The following GBE1 variants were observed in gnomAD, a reference collection of about 807,000 sequenced individuals.
The protein encoded by GBE1 is 1,4-alpha-glucan-branching enzyme.
In GBE1, 70 loss-of-function variants were observed where a neutral mutation model predicts 88.8. That is an observed-to-expected ratio of 0.79 (90% CI 0.65 to 0.96). The LOEUF (loss-of-function observed/expected upper bound fraction) is 0.96, where lower values mean the gene tolerates loss of function less well. Ranked by LOEUF, GBE1 falls within the 40% of genes least tolerant of loss-of-function variation. The probability of loss-of-function intolerance (pLI) is 0.00; values close to 1 mark genes in which losing one functional copy is unlikely to be tolerated. For missense variants in GBE1, 872 were observed against 871.0 expected, an observed-to-expected ratio of 1.00 and a Z score of -0.01; for synonymous variants, 284 against 300.1, an observed-to-expected ratio of 0.95 and a Z score of 0.56.
intron 9 of GBE1, among the ~76,000 whole-genome samples, chr3:81,587,502 A>G (rs1703817818): frequency 6.6e-6 from 1 of 152,136 alleles, no homozygotes; most frequent in African/African-American, 2.4e-5. Context: ...CTGCCCTTCA[A>G]TGGATTTCAA....
chr3:81,565,594 C>A (rs938403834), intron 12 of GBE1, among the ~76,000 whole-genome samples: 16 of 152,044 alleles, frequency 1.1e-4, no homozygotes, highest in African/African-American at 3.6e-4. Flanking sequence ...GAATGTCCTA[C>A]AAAATTATCA....
intron 14 of GBE1, among the ~76,000 whole-genome samples, chr3:81,525,979 C>T (rs946298931): frequency 2.0e-5 from 3 of 152,004 alleles, no homozygotes; most frequent in African/African-American, 7.2e-5. Flanking sequence ...TTTCAAAAAA[C>T]CAGCTCATGG....
At chr3:81,644,500 T>G (rs1704738297) in intron 6 of GBE1, among the ~76,000 whole-genome samples, 1 of 152,144 alleles carries the variant, frequency 6.6e-6, no homozygotes, top group Non-Finnish European at 1.5e-5. Flanking sequence ...CTAACTGGAA[T>G]GGTCAAGAAA....
chr3:81,701,192 G>GGT (rs1705681239), intron 2 of GBE1, among the ~76,000 whole-genome samples: 1 of 152,058 alleles, frequency 6.6e-6, no homozygotes, highest in African/African-American at 2.4e-5. Context: ...CTTTTTCAGT[G>GGT]GTAAGAGTCC....
chr3:81,647,093 A>C (rs1704776571), intron 5 of GBE1, among the ~76,000 whole-genome samples: 1 of 151,958 alleles, frequency 6.6e-6, no homozygotes, highest in South Asian at 2.1e-4. Context: ...AGTAGCTGGA[A>C]CTACAGGTGC....
chr3:81,493,706 G>A (rs549866487), intron 15 of GBE1, among the ~76,000 whole-genome samples: 4 of 151,532 alleles, frequency 2.6e-5, no homozygotes, highest in African/African-American at 9.7e-5. Context: ...CTAATTTTTT[G>A]TGTGTTTTTA....
intron 2 of GBE1, among the ~76,000 whole-genome samples, chr3:81,675,485 G>A (rs1181979331): frequency 3.3e-5 from 5 of 151,884 alleles, no homozygotes; most frequent in Admixed American, 1.3e-4. Context: ...GACAACATGC[G>A]TTAAAACCAT....
At chr3:81,626,169 A>T (rs772763696) in intron 7 of GBE1, among the ~76,000 whole-genome samples, 1 of 152,182 alleles carries the variant, frequency 6.6e-6, no homozygotes, top group Non-Finnish European at 1.5e-5. Flanking sequence ...AAGCACATCT[A>T]TTCTAATTTC....
intron 2 of GBE1, among the ~76,000 whole-genome samples, chr3:81,703,004 G>A (rs1210553848): frequency 1.3e-5 from 2 of 148,786 alleles, no homozygotes; most frequent in Non-Finnish European, 2.9e-5. Context: ...ATATGGGGGT[G>A]GGGGAACCAA....
At chr3:81,539,429 T>C (rs1326207896) in intron 12 of GBE1, among the ~76,000 whole-genome samples, 3 of 151,968 alleles carry the variant, frequency 2.0e-5, no homozygotes, top group African/African-American at 7.2e-5. Context: ...GTACCTTATA[T>C]TGCAGGCATT....
chr3:81,495,528 T>C (rs1386973499), intron 15 of GBE1, among the ~76,000 whole-genome samples: 1 of 152,186 alleles, frequency 6.6e-6, no homozygotes, highest in African/African-American at 2.4e-5. Flanking sequence ...TTCACATACA[T>C]GCTTTAGTTC....
intron 12 of GBE1, among the ~76,000 whole-genome samples, chr3:81,556,340 G>C (rs1181030317): frequency 6.6e-6 from 1 of 151,384 alleles, no homozygotes; most frequent in Admixed American, 6.6e-5. Context: ...AAATCCAAGA[G>C]AATTTAATTA....
At chr3:81,728,414 A>T (rs1706140691) in intron 1 of GBE1, among the ~76,000 whole-genome samples, 1 of 152,194 alleles carries the variant, frequency 6.6e-6, no homozygotes. Context: ...CTGACCACAG[A>T]TCTATCCTAA....
At chr3:81,563,945 C>CGAAGGAAG (rs201365439) in intron 12 of GBE1, among the ~76,000 whole-genome samples, 3 of 148,188 alleles carry the variant, frequency 2.0e-5, no homozygotes, top group Admixed American at 6.7e-5. Flanking sequence ...AAGGAAGGGA[C>CGAAGGAAG]GAAGGAAGGA....
intron 2 of GBE1, among the ~76,000 whole-genome samples, chr3:81,689,771 G>T (rs1452679696): frequency 6.6e-6 from 1 of 152,128 alleles, no homozygotes; most frequent in Non-Finnish European, 1.5e-5. Flanking sequence ...ACCAGTCTGG[G>T]CCCCGGGAGA....
intron 1 of GBE1, among the ~76,000 whole-genome samples, chr3:81,722,253 T>C (rs141917833): frequency 2.0e-3 from 312 of 152,214 alleles, no homozygotes; most frequent in Middle Eastern, 0.014. Flanking sequence ...TGGATCTACA[T>C]TTAGTGACAT....
chr3:81,534,946 T>C (rs190096441), intron 14 of GBE1: 1 of 359,504 alleles, frequency 2.8e-6, no homozygotes, highest in South Asian at 3.2e-5. Context: ...CACAGCTCTT[T>C]CCTTTGATGT....
At chr3:81,492,013 G>A (rs1043227322) in intron 15 of GBE1, among the ~76,000 whole-genome samples, 26 of 152,182 alleles carry the variant, frequency 1.7e-4, no homozygotes, top group Non-Finnish European at 3.4e-4. Flanking sequence ...CTAGAGAATA[G>A]TTTTTCTAAT....
intron 2 of GBE1, among the ~76,000 whole-genome samples, chr3:81,676,569 A>T (rs1705255126): frequency 6.6e-6 from 1 of 152,064 alleles, no homozygotes; most frequent in African/African-American, 2.4e-5. Flanking sequence ...GTATTTGAAC[A>T]TCTCTTACTA....
Sources: allele counts gnomAD v4.1 joint callset (sites outside exome capture counted in the v4.1 genomes callset), GRCh38; gene constraint gnomAD v4.1.1; transcripts MANE v1.5; gene names NCBI Gene and HGNC (gene_info 2026-07-23, HGNC 2026-07-21).